The following DLG2 variants were observed in gnomAD, a reference collection of about 807,000 sequenced individuals.
DLG2 encodes discs large MAGUK scaffold protein 2, also known as disks large homolog 2.
Under a neutral mutation model 132.5 loss-of-function variants are expected in DLG2, and 45 were observed. The ratio of observed to expected loss-of-function variants is 0.34; its 90% CI spans 0.27 to 0.44. The LOEUF (loss-of-function observed/expected upper bound fraction) is 0.44, where lower values mean the gene tolerates loss of function less well. Ranked by LOEUF, DLG2 falls within the 20% of genes least tolerant of loss-of-function variation. The pLI is 1.00. For missense variants in DLG2, 1,045 were observed against 1,196.9 expected (o/e 0.87, Z 1.87); for synonymous variants, 424 against 419.6 (o/e 1.01, Z -0.13).
intron 3 of DLG2, among the ~76,000 whole-genome samples, chr11:85,424,561 A>T (rs1004962198): frequency 4.6e-5 from 7 of 152,180 alleles, no homozygotes; most frequent in Admixed American, 3.9e-4. Context: ...ACCAGTTTGC[A>T]TTAGGTTTTT....
rs575681393 is a variant in DLG2, at chr11:83,937,545, G to T, written c.1341-7062C>A. On this transcript the variant is annotated intron_variant, in intron 14 of 27. Coordinates refer to ENST00000376104, the MANE Select transcript of DLG2 (RefSeq NM_001142699.3). ...AAAAAAAAAAATTGAAACCACTGAA[G>T]CAAGAACTCATAAACAAGCAATAAG... is the stretch of plus-strand genomic sequence containing the variant. 2.4e-4 allele frequency among the ~76,000 whole-genome samples: 36 copies of T among 147,334 alleles called. No individual in the cohort carries two copies. The South Asian group carries it at 7.3e-3, about 30-fold the overall frequency.
chr11:83,930,183 T>C, intron 15 of DLG2, 145 bp downstream of exon 15: 3 of 920,048 alleles, frequency 3.3e-6, no homozygotes, highest in Non-Finnish European at 4.9e-6. Flanking sequence ...ATTTCTCCCA[T>C]TGCACCAAGG....
At chr11:84,037,934 A>G (rs1367787944) in intron 11 of DLG2, among the ~76,000 whole-genome samples, 3 of 151,928 alleles carry the variant, frequency 2.0e-5, no homozygotes, top group Non-Finnish European at 4.4e-5. Flanking sequence ...ATCTTTGCTC[A>G]CCTTTCCATT....
chr11:84,152,683 GC>G (rs2154252437), intron 9 of DLG2, among the ~76,000 whole-genome samples: 1 of 152,134 alleles, frequency 6.6e-6, no homozygotes, highest in Admixed American at 6.5e-5. Context: ...ACCGCGCCCG[GC>G]CTCTTTTTTG....
chr11:85,231,559 AT>A (rs980504565), intron 4 of DLG2, among the ~76,000 whole-genome samples: 16 of 151,386 alleles, frequency 1.1e-4, no homozygotes, highest in Non-Finnish European at 1.8e-4. Context: ...TCTATTGACT[AT>A]TTTTTTTCAT....
intron 15 of DLG2, among the ~76,000 whole-genome samples, chr11:83,914,611 T>A: frequency 6.6e-6 from 1 of 152,140 alleles, no homozygotes; most frequent in Non-Finnish European, 1.5e-5. Context: ...TGGATACTTT[T>A]TAAAAAATTC....
At chr11:84,949,592 G>A (rs921893223) in intron 6 of DLG2, among the ~76,000 whole-genome samples, 5 of 152,146 alleles carry the variant, frequency 3.3e-5, no homozygotes, top group African/African-American at 9.7e-5. Flanking sequence ...GATATCCCAT[G>A]CTGAGAAAAA....
chr11:84,061,329 C>A (rs1182217919), intron 10 of DLG2, among the ~76,000 whole-genome samples: 1 of 152,098 alleles, frequency 6.6e-6, no homozygotes, highest in Non-Finnish European at 1.5e-5. Flanking sequence ...TAATGAACAC[C>A]TAATAAATGT....
At chr11:84,883,036 A>C (rs1425342250) in intron 6 of DLG2, among the ~76,000 whole-genome samples, 1 of 152,164 alleles carries the variant, frequency 6.6e-6, no homozygotes, top group African/African-American at 2.4e-5. Context: ...ACTATTCACA[A>C]TAGCAAAGAC....
intron 11 of DLG2, among the ~76,000 whole-genome samples, chr11:84,003,115 C>T (rs879147938): frequency 3.3e-5 from 5 of 152,138 alleles, no homozygotes; most frequent in Admixed American, 2.6e-4. Context: ...AGTCTCTTTG[C>T]TAAAGCATAG....
chr11:85,112,752 C>G (rs1430056031), intron 5 of DLG2, among the ~76,000 whole-genome samples: 2 of 152,044 alleles, frequency 1.3e-5, no homozygotes. Context: ...ACCTACTAGA[C>G]AGCAGCATCT....
intron 6 of DLG2, among the ~76,000 whole-genome samples, chr11:85,022,159 C>T (rs940548003): frequency 6.6e-6 from 1 of 151,614 alleles, no homozygotes; most frequent in African/African-American, 2.4e-5. Context: ...ACTTAAGGCA[C>T]TATGGTTATT....
chr11:85,457,365 A>T (rs1002588626), intron 3 of DLG2, among the ~76,000 whole-genome samples: 5 of 152,124 alleles, frequency 3.3e-5, no homozygotes, highest in Non-Finnish European at 7.4e-5. Context: ...AAGACAGCAT[A>T]CCATTAGGTC....
Position 83,653,071 on chromosome 11 carries a change from C to G in DLG2, c.1826-19746G>C, listed in dbSNP as rs570036455. On this transcript the variant is annotated intron_variant, in intron 18 of 27. Coordinates refer to ENST00000376104, the MANE Select transcript of DLG2 (RefSeq NM_001142699.3). Reference sequence around the variant, plus strand: ...CAGAAGTGGAACCCCAATCTAATAACTTCCCAATGCTGTACGCAACTTCAT... The same window carrying G: ...CAGAAGTGGAACCCCAATCTAATAAGTTCCCAATGCTGTACGCAACTTCAT... Among the ~76,000 whole-genome samples, 31 of 152,348 alleles carry G rather than the reference C, an allele frequency of 2.0e-4. No individual in the cohort carries two copies. The East Asian group carries it at 5.8e-3, about 28-fold the overall frequency.
At chr11:84,513,392 T>C (rs1404373254) in intron 7 of DLG2, among the ~76,000 whole-genome samples, 1 of 151,706 alleles carries the variant, frequency 6.6e-6, no homozygotes, top group Non-Finnish European at 1.5e-5. Context: ...ATCCTGAGTA[T>C]AAAGAAAAAT....
Position 83,708,164 on chromosome 11 carries a change from T to G in DLG2, c.1826-74839A>C, listed in dbSNP as rs1389739834. Among the ~76,000 whole-genome samples the G allele has an allele frequency of 2.0e-5, 3 of 152,192 alleles. No individual in the cohort carries two copies. The East Asian group carries it at 5.8e-4, about 29-fold the overall frequency. ...ATAATTGTTGGAAATTTATTCTGTG[T>G]TTAAGTTATATTTGAAGTTCCTAAA... On this transcript the variant is annotated intron_variant, in intron 18 of 27. Coordinates refer to ENST00000376104, the MANE Select transcript of DLG2 (RefSeq NM_001142699.3).
rs1203887621 is a variant in DLG2 at position 84,943,169 on chromosome 11, T to C, written c.357+168492A>G. On this transcript the variant is annotated intron_variant, in intron 6 of 27. Coordinates refer to ENST00000376104, the MANE Select transcript of DLG2 (RefSeq NM_001142699.3). ...TTTTTGGGTCGTGTGTGTGTGTGCGTGTGTGTGTGTGTGTGTGTGTGTGTG... is the reference window on the plus strand; with the variant it reads ...TTTTTGGGTCGTGTGTGTGTGTGCGCGTGTGTGTGTGTGTGTGTGTGTGTG... 1.6e-3 allele frequency among the ~76,000 whole-genome samples: 81 copies of C among 51,218 alleles called. No individual in the cohort carries two copies. In the South Asian group the frequency reaches 0.031, roughly 20 times the overall value. The allele number at this position is 51,218 out of a possible 152,430, so 33.6% of individuals were successfully genotyped here.
At chr11:85,147,422 T>C (rs1306384588) in intron 5 of DLG2, among the ~76,000 whole-genome samples, 1 of 152,208 alleles carries the variant, frequency 6.6e-6, no homozygotes, top group Non-Finnish European at 1.5e-5. Context: ...ATATACCTGT[T>C]GGACATTTCT....
intron 7 of DLG2, among the ~76,000 whole-genome samples, chr11:84,448,159 T>A (rs561464276): frequency 6.6e-6 from 1 of 152,234 alleles, no homozygotes; most frequent in South Asian, 2.1e-4. Flanking sequence ...CTAACCTGAC[T>A]GCTTTGGAAT....
Sources: gnomAD v4.1 joint callset for allele counts (sites outside exome capture counted in the v4.1 genomes callset) on GRCh38, gnomAD v4.1.1 for gene constraint, MANE v1.5 for transcripts, NCBI Gene and HGNC (gene_info 2026-07-23, HGNC 2026-07-21) for gene names.